HTR2C: variants seen among roughly 807,000 people sequenced by gnomAD.
HTR2C encodes the protein 5-hydroxytryptamine (serotonin) receptor 2C, G protein-coupled.
HTR2C carries 5 observed loss-of-function variants against 21.0 expected under a neutral mutation model. That is an observed-to-expected ratio of 0.24 (90% CI 0.12 to 0.50). The LOEUF (loss-of-function observed/expected upper bound fraction) is 0.50. Ranked by LOEUF, HTR2C falls within the 20% of genes least tolerant of loss-of-function variation. HTR2C has a pLI of 0.98. For synonymous variants in HTR2C, 150 were observed against 145.3 expected (o/e 1.03, Z -0.23); for missense variants, 271 against 371.2 (o/e 0.73, Z 2.22).
intron 2 of HTR2C, among the ~76,000 whole-genome samples, chrX:114,713,516 G>C (rs1264207091): frequency 9.0e-6 from 1 of 110,934 alleles, no homozygotes; most frequent in Non-Finnish European, 1.9e-5. Flanking sequence ...GATAGAAACT[G>C]TCTCCATGGC....
chrX:114,639,601 T>G (rs1930012177), intron 2 of HTR2C: 1 of 113,045 alleles, frequency 8.8e-6, no homozygotes, highest in South Asian at 3.7e-4. Context: ...TGTGAAATTT[T>G]AAACTCCTCA....
intron 1 of HTR2C, among the ~76,000 whole-genome samples, chrX:114,609,049 G>A (rs960512463): frequency 1.8e-5 from 2 of 111,888 alleles, no homozygotes; most frequent in African/African-American, 6.5e-5. Context: ...AAAATTGCCT[G>A]TCATTCTAAT....
chrX:114,659,201 T>C (rs1419513327), intron 2 of HTR2C, among the ~76,000 whole-genome samples: 1 of 111,361 alleles, frequency 9.0e-6, no homozygotes, highest in Non-Finnish European at 1.9e-5. Context: ...CCCCTATGAT[T>C]CAGTTACCTC....
At chrX:114,683,184 A>C (rs1931801358) in intron 2 of HTR2C, among the ~76,000 whole-genome samples, 1 of 111,726 alleles carries the variant, frequency 9.0e-6, no homozygotes, top group South Asian at 3.8e-4. Context: ...TACATACCCA[A>C]AAGATAAATG....
At chrX:114,644,382 T>A (rs1235231089) in intron 2 of HTR2C, among the ~76,000 whole-genome samples, 1,679 of 74,615 alleles carry the variant, frequency 0.023, 53 homozygotes, top group Admixed American at 0.074. Context: ...TATATATATA[T>A]ATATATATAT....
chrX:114,672,491 A>G (rs1931416464), intron 2 of HTR2C, among the ~76,000 whole-genome samples: 1 of 112,271 alleles, frequency 8.9e-6, no homozygotes, highest in Non-Finnish European at 1.9e-5. Context: ...TACTTAAGCT[A>G]AATTATTTTT....
chrX:114,781,510 T>G (rs1316437060), intron 4 of HTR2C, among the ~76,000 whole-genome samples: 1 of 106,205 alleles, frequency 9.4e-6, no homozygotes, highest in African/African-American at 3.4e-5. Context: ...CTCTCTCTCT[T>G]TTTTTTTTGA....
intron 1 of HTR2C, among the ~76,000 whole-genome samples, chrX:114,611,798 C>T (rs1327530810): frequency 1.8e-5 from 2 of 111,518 alleles, no homozygotes; most frequent in East Asian, 2.8e-4. Context: ...CCCGGGTTCA[C>T]GTCATTCTCC....
At chrX:114,865,062 A>G (rs1255997587) in intron 5 of HTR2C, among the ~76,000 whole-genome samples, 4 of 110,179 alleles carry the variant, frequency 3.6e-5, no homozygotes, top group African/African-American at 1.3e-4. Flanking sequence ...CCTCAAGCAC[A>G]TTTGTAATAC....
intron 2 of HTR2C, chrX:114,715,466 G>A (rs1274601345): frequency 2.9e-5 from 7 of 240,200 alleles, no homozygotes; most frequent in Non-Finnish European, 5.7e-5. Flanking sequence ...AAATGTAAGT[G>A]GGAATGTATT....
At chrX:114,873,392 T>A (rs2071107365) in intron 5 of HTR2C, among the ~76,000 whole-genome samples, 1 of 111,647 alleles carries the variant, frequency 9.0e-6, no homozygotes, top group Non-Finnish European at 1.9e-5. Context: ...GTTGTTGCTT[T>A]AGGGTTTTTT....
At chrX:114,783,393 T>A (rs782456082) in intron 4 of HTR2C, among the ~76,000 whole-genome samples, 256 of 111,990 alleles carry the variant, frequency 2.3e-3, no homozygotes, top group African/African-American at 7.4e-3. Context: ...AGCTGTTAAC[T>A]TCATAGTTAT....
At chrX:114,658,967 T>G (rs782510016) in intron 2 of HTR2C, among the ~76,000 whole-genome samples, 1 of 111,685 alleles carries the variant, frequency 9.0e-6, no homozygotes, top group South Asian at 3.8e-4. Flanking sequence ...AACCCAAGAC[T>G]GGGTAATTTA....
chrX:114,730,697 A>T (rs2069526562), intron 3 of HTR2C, among the ~76,000 whole-genome samples: 1 of 111,909 alleles, frequency 8.9e-6, no homozygotes, highest in Non-Finnish European at 1.9e-5. Context: ...ATAGAATGCA[A>T]CTTCCAGTTT....
intron 2 of HTR2C, among the ~76,000 whole-genome samples, chrX:114,647,069 G>A (rs1930389146): frequency 9.0e-6 from 1 of 111,189 alleles, no homozygotes; most frequent in Admixed American, 9.7e-5. Flanking sequence ...GTTCCCAGAG[G>A]CCTGAGTGGG....
chrX:114,856,376 C>T (rs1288621416), intron 5 of HTR2C, among the ~76,000 whole-genome samples: 2 of 99,936 alleles, frequency 2.0e-5, no homozygotes, highest in South Asian at 5.1e-4. Flanking sequence ...GAATCAATAT[C>T]GTGAAAATGG....
At chrX:114,815,463 C>T (rs2070575746) in intron 4 of HTR2C, among the ~76,000 whole-genome samples, 2 of 111,224 alleles carry the variant, frequency 1.8e-5, no homozygotes, top group Admixed American at 1.9e-4. Flanking sequence ...AAAGTCCTAC[C>T]AGAAATTAAT....
intron 4 of HTR2C, among the ~76,000 whole-genome samples, chrX:114,745,660 A>G (rs1487292063): frequency 8.9e-6 from 1 of 112,175 alleles, no homozygotes; most frequent in Non-Finnish European, 1.9e-5. Flanking sequence ...AACAACATGA[A>G]TGGAACTGGG....
chrX:114,812,685 C>T (rs370483334), intron 4 of HTR2C, among the ~76,000 whole-genome samples: 15 of 109,301 alleles, frequency 1.4e-4, no homozygotes, highest in African/African-American at 3.7e-4. Flanking sequence ...CCCGAGATTG[C>T]GCCACTGCAC....
Sources: gnomAD v4.1 joint callset for allele counts (sites outside exome capture counted in the v4.1 genomes callset) on GRCh38, gnomAD v4.1.1 for gene constraint, MANE v1.5 for transcripts, NCBI Gene and HGNC (gene_info 2026-07-23, HGNC 2026-07-21) for gene names.